The following JMJD1C variants were observed in gnomAD, a reference collection of about 807,000 sequenced individuals.
JMJD1C encodes the protein jumonji domain-containing protein 1C.
JMJD1C carries 31 observed loss-of-function variants against 245.3 expected under a neutral mutation model. That is an observed-to-expected ratio of 0.13 (90% CI 0.09 to 0.17). The LOEUF (loss-of-function observed/expected upper bound fraction) is 0.17, where lower values mean the gene tolerates loss of function less well. Ranked by LOEUF, JMJD1C falls within the 10% of genes least tolerant of loss-of-function variation. The pLI, the probability that JMJD1C is intolerant of heterozygous loss-of-function variation, is 1.00. For missense variants in JMJD1C, 2,691 were observed against 3,000.2 expected (o/e 0.90, Z 2.41); for synonymous variants, 1,057 against 1,017.4 (o/e 1.04, Z -0.74).
At chr10:63,488,198 C>G (rs1290232357) in intron 1 of JMJD1C, among the ~76,000 whole-genome samples, 1 of 152,188 alleles carries the variant, frequency 6.6e-6, no homozygotes, top group Non-Finnish European at 1.5e-5. Flanking sequence ...ATAGTCACGG[C>G]ATAGATTTAT....
intron 2 of JMJD1C, among the ~76,000 whole-genome samples, chr10:63,274,852 G>A (rs142318963): frequency 2.6e-4 from 40 of 152,156 alleles, no homozygotes; most frequent in African/African-American, 9.6e-4. Flanking sequence ...CCCTAGCAGA[G>A]TATTCAGTCT....
intron 2 of JMJD1C, among the ~76,000 whole-genome samples, chr10:63,319,002 A>C (rs901144855): frequency 1.1e-4 from 16 of 152,006 alleles, no homozygotes; most frequent in South Asian, 2.1e-4. Flanking sequence ...AACCTTAAAA[A>C]ATGCTCCCAG....
intron 1 of JMJD1C, among the ~76,000 whole-genome samples, chr10:63,406,232 AAGAC>A (rs1272104523): frequency 2.0e-5 from 3 of 152,194 alleles, no homozygotes; most frequent in African/African-American, 7.2e-5. Context: ...AGCAAATAAG[AAGAC>A]AGAGAATATC....
chr10:63,353,093 G>T (rs12762639), intron 2 of JMJD1C, among the ~76,000 whole-genome samples: 1 of 152,004 alleles, frequency 6.6e-6, no homozygotes, highest in Non-Finnish European at 1.5e-5. Flanking sequence ...AATGAAGTTA[G>T]GAAAATTTAT....
intron 1 of JMJD1C, chr10:63,521,609 C>T: frequency 2.2e-6 from 3 of 1,385,342 alleles, no homozygotes; most frequent in Non-Finnish European, 2.8e-6. Flanking sequence ...CTGCAGCCGG[C>T]GCGAGGCCCA....
intron 2 of JMJD1C, 76 bp downstream of exon 2, chr10:63,380,242 C>T (rs746443547): frequency 2.1e-6 from 3 of 1,463,064 alleles, no homozygotes; most frequent in East Asian, 2.3e-5. Context: ...CCAAACCTGG[C>T]CTTTGTTTTG....
Position 63,186,361 on chromosome 10 carries a change from T to A in JMJD1C, c.6593A>T (p.His2198Leu). Residue 2198 changes from histidine to leucine, a missense_variant, in exon 19 of 26, where the codon CAT becomes CTT. By Grantham distance (99) the His-to-Leu change is moderately conservative. This residue lies in a region of JMJD1C where 232 missense variants were observed against 416.1 expected (regional missense o/e 0.56). Transcript: ENST00000399262. Reference protein sequence around the residue: ...QGQPAVVSGVHKKMNISLWKA... With the variant: ...QGQPAVVSGVLKKMNISLWKA... ...CCATAGGCTAATGTTCATTTTCTTA[T>A]GCACACCAGAAACCACTGCAGGCTT... is the stretch of plus-strand genomic sequence containing the variant. The A allele has an allele frequency of 6.2e-7, 1 of 1,612,190 alleles. No homozygotes were observed. The highest frequency in any genetic ancestry group is 8.5e-7 in the Non-Finnish European group (1 of 1,179,272).
chr10:63,220,401 A>T (rs1173935630), intron 3 of JMJD1C, among the ~76,000 whole-genome samples: 3 of 152,188 alleles, frequency 2.0e-5, no homozygotes, highest in Non-Finnish European at 4.4e-5. Flanking sequence ...ACCTTCCCAT[A>T]ATACTTAACC....
At chr10:63,316,434 TTC>T (rs1339482167) in intron 2 of JMJD1C, among the ~76,000 whole-genome samples, 1 of 152,172 alleles carries the variant, frequency 6.6e-6, no homozygotes, top group Non-Finnish European at 1.5e-5. Context: ...GCTTGTAATT[TTC>T]TTTTATTCTG....
chr10:63,364,576 C>A (rs1478485755), intron 2 of JMJD1C, among the ~76,000 whole-genome samples: 1 of 152,136 alleles, frequency 6.6e-6, no homozygotes, highest in East Asian at 1.9e-4. Context: ...GCCTCAAACT[C>A]TTGGGCTCAA....
intron 1 of JMJD1C, among the ~76,000 whole-genome samples, chr10:63,486,734 T>G (rs969953001): frequency 6.6e-5 from 10 of 152,122 alleles, no homozygotes; most frequent in African/African-American, 1.9e-4. Context: ...TCCAAATAAC[T>G]CTGCATGGCT....
At chr10:63,280,362 A>T (rs1857250562) in intron 2 of JMJD1C, among the ~76,000 whole-genome samples, 1 of 152,070 alleles carries the variant, frequency 6.6e-6, no homozygotes, top group South Asian at 2.1e-4. Context: ...ATCCTGGCCA[A>T]CATGGTGAAA....
At chr10:63,323,476 C>T (rs1366907512) in intron 2 of JMJD1C, among the ~76,000 whole-genome samples, 6 of 152,006 alleles carry the variant, frequency 3.9e-5, no homozygotes, top group South Asian at 2.1e-4. Flanking sequence ...GCCAAGATCG[C>T]GCCACTGTAC....
At position 63,207,549 on chromosome 10, in the gene JMJD1C, C is replaced by A; in HGVS notation, c.4120G>T (p.Ala1374Ser). The A allele has an allele frequency of 6.2e-7, 1 of 1,613,984 alleles. No individual in the cohort carries two copies. The highest frequency in any genetic ancestry group is 2.2e-5 in the East Asian group (1 of 44,896). ...CTGGGAACACTGCCCTGTGAGACAGCCTGAAAGTTTTTTTCAGATTTTGTG... is the reference window on the plus strand; with the variant it reads ...CTGGGAACACTGCCCTGTGAGACAGACTGAAAGTTTTTTTCAGATTTTGTG... ...VHTKSEKNFQ[A>S]VSQGSVPSSV... Residue 1374 changes from alanine to serine, a missense_variant, in exon 10 of 26, where the codon GCT becomes TCT. By Grantham distance (99) the Ala-to-Ser change is moderately conservative (BLOSUM62 1). Coordinates refer to ENST00000399262, the MANE Select transcript of JMJD1C (RefSeq NM_032776.3).
Position 63,208,443 on chromosome 10 carries a change from C to T in JMJD1C, c.3226G>A (p.Asp1076Asn). 6.2e-7 allele frequency: 1 copy of T among 1,613,912 alleles called. No individual in the cohort carries two copies. The highest frequency in any genetic ancestry group is 1.7e-5 in the Admixed American group (1 of 60,008). Residue 1076 changes from aspartate to asparagine, a missense_variant, in exon 10 of 26, where the codon GAT becomes AAT. Coordinates refer to ENST00000399262, the MANE Select transcript of JMJD1C (RefSeq NM_032776.3). ...ACTGAGTGCTTCATTTTATAAAGATCTGATACTGAGCGTTCTACATCCATA... is the reference window on the plus strand; with the variant it reads ...ACTGAGTGCTTCATTTTATAAAGATTTGATACTGAGCGTTCTACATCCATA... The part of the protein sequence containing the change: ...QDMDVERSVS[D>N]LYKMKHSVPQ...
intron 2 of JMJD1C, among the ~76,000 whole-genome samples, chr10:63,295,902 T>C (rs1354512835): frequency 6.7e-6 from 1 of 149,192 alleles, no homozygotes; most frequent in Non-Finnish European, 1.5e-5. Context: ...TATATATACA[T>C]GAATACGTGT....
In JMJD1C at chr10:63,506,251, C is replaced by T. The variant is rs1252130526; in HGVS notation, n.113+15487G>A. Among the ~76,000 whole-genome samples, 4 of 152,084 alleles carry T rather than the reference C, an allele frequency of 2.6e-5. No individual in the cohort carries two copies. The East Asian group carries it at 7.7e-4, about 29-fold the overall frequency. On this transcript the variant is annotated intron_variant and non_coding_transcript_variant, in intron 1 of 3. Transcript: ENST00000633035. The stretch of plus-strand genomic sequence containing the variant: ...AGAAGGAAATGTTGATGAGAAGAAA[C>T]CTTGTTGGTTGGGATTTAGGAAGAA...
At chr10:63,421,012 C>T (rs1434038226) in intron 1 of JMJD1C, among the ~76,000 whole-genome samples, 2 of 152,082 alleles carry the variant, frequency 1.3e-5, no homozygotes, top group Non-Finnish European at 2.9e-5. Context: ...GAAAAACACA[C>T]TGCCGCAGAT....
At chr10:63,203,659 G>T (rs540242040) in intron 10 of JMJD1C, 1 of 981,628 alleles carries the variant, frequency 1.0e-6, no homozygotes, top group South Asian at 4.7e-5. Context: ...AGAAAAAGCG[G>T]CTGACTTTTA....
Sources: gnomAD v4.1 joint callset for allele counts (sites outside exome capture counted in the v4.1 genomes callset) on GRCh38, gnomAD v4.1.1 for gene constraint, gnomAD v4.1.1 regional missense constraint, MANE v1.5 for transcripts, NCBI Gene and HGNC (gene_info 2026-07-23, HGNC 2026-07-21) for gene names.